The following TMEM232 variants were observed in gnomAD, a reference collection of about 807,000 sequenced individuals.
The protein encoded by TMEM232 is transmembrane protein 232.
In TMEM232, 80 loss-of-function variants were observed where a neutral mutation model predicts 78.8. The observed-to-expected ratio is 1.01, with a 90% CI of 0.85 to 1.22. The LOEUF (loss-of-function observed/expected upper bound fraction) is 1.22. Among genes scored for constraint, TMEM232 ranks in the 50% most tolerant of loss-of-function variants. The probability of loss-of-function intolerance (pLI) is 0.00; values close to 1 mark genes in which losing one functional copy is unlikely to be tolerated. For missense variants in TMEM232, 881 were observed against 742.2 expected (o/e 1.19, Z -2.17); for synonymous variants, 297 against 254.3 (o/e 1.17, Z -1.60).
intron 11 of TMEM232, among the ~76,000 whole-genome samples, chr5:110,533,629 TACTC>T (rs1771883434): frequency 6.6e-6 from 1 of 152,192 alleles, no homozygotes; most frequent in African/African-American, 2.4e-5. Context: ...CCTTCAGCTG[TACTC>T]ACTCTTTGTT....
At chr5:110,657,106 A>G (rs980359364) in intron 2 of TMEM232, among the ~76,000 whole-genome samples, 2 of 152,194 alleles carry the variant, frequency 1.3e-5, no homozygotes, top group Non-Finnish European at 2.9e-5. Flanking sequence ...GGCTATTATC[A>G]AAAGTAACAA....
chr5:110,521,018 T>C (rs192873573), intron 12 of TMEM232, among the ~76,000 whole-genome samples: 1 of 152,162 alleles, frequency 6.6e-6, no homozygotes, highest in Non-Finnish European at 1.5e-5. Context: ...CTAAACAGTA[T>C]TGGCTGAGCT....
intron 10 of TMEM232, among the ~76,000 whole-genome samples, chr5:110,570,215 CT>C (rs1776781271): frequency 6.6e-6 from 1 of 151,912 alleles, no homozygotes; most frequent in Non-Finnish European, 1.5e-5. Context: ...AGGAACTTTA[CT>C]AATTTAAATT....
At chr5:110,498,272 A>G (rs1765842122) in intron 12 of TMEM232, among the ~76,000 whole-genome samples, 2 of 152,120 alleles carry the variant, frequency 1.3e-5, no homozygotes, top group South Asian at 4.1e-4. Context: ...ATTTAATTCA[A>G]AATAAGAATA....
intron 1 of TMEM232, among the ~76,000 whole-genome samples, chr5:110,708,338 C>CTAAAGG (rs1160899390): frequency 6.6e-6 from 1 of 152,064 alleles, no homozygotes; most frequent in Admixed American, 6.6e-5. Flanking sequence ...ACAAGAAATG[C>CTAAAGG]TAAAGGGACT....
intron 11 of TMEM232, among the ~76,000 whole-genome samples, chr5:110,539,577 G>GAA (rs1433970997): frequency 6.6e-6 from 1 of 152,250 alleles, no homozygotes; most frequent in East Asian, 1.9e-4. Flanking sequence ...AATACCGGAG[G>GAA]AAAACAACAA....
At chr5:110,597,921 C>T (rs953147134) in intron 10 of TMEM232, among the ~76,000 whole-genome samples, 6 of 152,106 alleles carry the variant, frequency 3.9e-5, no homozygotes, top group African/African-American at 1.4e-4. Context: ...CTAGAAGAAA[C>T]CTAGGCATTA....
chr5:110,663,998 T>C lies in TMEM232; in HGVS notation c.125+3230A>G, dbSNP rs577240631. On this transcript the variant is annotated intron_variant, in intron 2 of 13. Transcript: ENST00000455884. ...ACAAAAAAAATTTTTTATTTATCCG[T>C]GTATGGTGACATGTGCCTGTGATTC... 5.3e-5 allele frequency among the ~76,000 whole-genome samples: 8 copies of C among 152,078 alleles called. No homozygotes were observed. The South Asian group carries it at 1.7e-3, about 32-fold the overall frequency.
At chr5:110,429,020 A>G (rs1363429090) in intron 12 of TMEM232, among the ~76,000 whole-genome samples, 1 of 151,864 alleles carries the variant, frequency 6.6e-6, no homozygotes, top group Admixed American at 6.6e-5. Flanking sequence ...GGAGCTGACT[A>G]ATTTATTCAT....
intron 2 of TMEM232, among the ~76,000 whole-genome samples, chr5:110,398,665 A>G (rs1396262228): frequency 3.3e-5 from 5 of 152,184 alleles, no homozygotes; most frequent in African/African-American, 1.2e-4. Flanking sequence ...CCAGATGCTG[A>G]AGAGGTAACA....
chr5:110,686,233 C>T (rs200789536), intron 1 of TMEM232, among the ~76,000 whole-genome samples: 17 of 152,090 alleles, frequency 1.1e-4, no homozygotes, highest in African/African-American at 4.1e-4. Context: ...AAGTGACACT[C>T]TAGGACTTCA....
chr5:110,471,748 C>T (rs867665010), intron 12 of TMEM232, among the ~76,000 whole-genome samples: 1 of 152,022 alleles, frequency 6.6e-6, no homozygotes, highest in South Asian at 2.1e-4. Context: ...TTTATCACTA[C>T]TAGAGCTAAC....
At chr5:110,698,418 TA>T (rs1339035064) in intron 1 of TMEM232, among the ~76,000 whole-genome samples, 3 of 152,072 alleles carry the variant, frequency 2.0e-5, no homozygotes, top group Admixed American at 2.0e-4. Context: ...ACACGTACCC[TA>T]AAACTTAAAG....
intron 10 of TMEM232, among the ~76,000 whole-genome samples, chr5:110,582,285 T>TA (rs1179028114): frequency 1.3e-5 from 2 of 151,804 alleles, no homozygotes; most frequent in Non-Finnish European, 2.9e-5. Context: ...GTGAACTGGA[T>TA]AAAAAACATA....
At chr5:110,673,783 A>G (rs1247953292) in intron 1 of TMEM232, among the ~76,000 whole-genome samples, 1 of 152,242 alleles carries the variant, frequency 6.6e-6, no homozygotes, top group African/African-American at 2.4e-5. Context: ...CTATCAGTTA[A>G]CAACCTTCTT....
chr5:110,648,035 G>C (rs1292999221), intron 2 of TMEM232, among the ~76,000 whole-genome samples: 1 of 151,910 alleles, frequency 6.6e-6, no homozygotes, highest in African/African-American at 2.4e-5. Context: ...TCAACATGTA[G>C]TTGATAAAGG....
intron 11 of TMEM232, among the ~76,000 whole-genome samples, chr5:110,549,353 G>A (rs1275436336): frequency 2.0e-5 from 3 of 151,896 alleles, no homozygotes; most frequent in Admixed American, 2.0e-4. Context: ...AGTGGCTCAG[G>A]CCTGTAATCC....
At chr5:110,543,871 T>A (rs1389598941) in intron 11 of TMEM232, among the ~76,000 whole-genome samples, 1 of 152,200 alleles carries the variant, frequency 6.6e-6, no homozygotes, top group African/African-American at 2.4e-5. Flanking sequence ...TCTAGAGTCG[T>A]CTTCTATAGT....
chr5:110,713,056 A>G (rs1796655883), intron 1 of TMEM232, among the ~76,000 whole-genome samples: 1 of 152,154 alleles, frequency 6.6e-6, no homozygotes, highest in African/African-American at 2.4e-5. Context: ...TTTACACACA[A>G]TGGAGTACTA....
Sources: gnomAD v4.1 joint callset for allele counts (sites outside exome capture counted in the v4.1 genomes callset) on GRCh38, gnomAD v4.1.1 for gene constraint, MANE v1.5 for transcripts, NCBI Gene and HGNC (gene_info 2026-07-23, HGNC 2026-07-21) for gene names.